ASIC2: variants seen among roughly 807,000 people sequenced by gnomAD.
The protein encoded by ASIC2 is acid sensing ion channel subunit 2.
ASIC2 carries 25 observed loss-of-function variants against 57.3 expected under a neutral mutation model. That is an observed-to-expected ratio of 0.44 (90% CI 0.32 to 0.61). ASIC2 has a LOEUF of 0.61. Among genes scored for constraint, ASIC2 ranks in the 20% least tolerant of loss-of-function variants. The pLI, the probability that ASIC2 is intolerant of heterozygous loss-of-function variation, is 0.06. For synonymous variants in ASIC2, 319 were observed against 307.5 expected, an observed-to-expected ratio of 1.04 and a Z score of -0.39; for missense variants, 641 against 738.1, an observed-to-expected ratio of 0.87 and a Z score of 1.52.
At chr17:34,145,903 G>A (rs1567837717) in intron 1 of ASIC2, among the ~76,000 whole-genome samples, 6 of 152,340 alleles carry the variant, frequency 3.9e-5, no homozygotes, top group Middle Eastern at 6.8e-3. Flanking sequence ...TTGAAGCCAG[G>A]CTGATGCACA....
At chr17:33,418,799 G>T (rs965770702) in intron 1 of ASIC2, among the ~76,000 whole-genome samples, 2 of 152,242 alleles carry the variant, frequency 1.3e-5, no homozygotes, top group South Asian at 4.2e-4. Context: ...CGTGTCCTTT[G>T]CAGGGACCCG....
intron 1 of ASIC2, among the ~76,000 whole-genome samples, chr17:33,300,930 A>G (rs542595977): frequency 6.6e-6 from 1 of 152,300 alleles, no homozygotes; most frequent in East Asian, 1.9e-4. Context: ...TGATAATGAT[A>G]TTTGATAGTT....
chr17:33,917,950 C>T (rs539539749), intron 1 of ASIC2, among the ~76,000 whole-genome samples: 1 of 147,332 alleles, frequency 6.8e-6, no homozygotes, highest in East Asian at 2.1e-4. Context: ...TCATTCCACA[C>T]ACACGTGCAT....
intron 1 of ASIC2, among the ~76,000 whole-genome samples, chr17:33,408,925 C>T (rs1386355358): frequency 1.3e-5 from 2 of 152,298 alleles, no homozygotes; most frequent in African/African-American, 4.8e-5. Flanking sequence ...CAGAATATTC[C>T]AGTCCTGGCT....
At chr17:33,970,749 C>A (rs1481119933) in intron 1 of ASIC2, among the ~76,000 whole-genome samples, 1 of 152,166 alleles carries the variant, frequency 6.6e-6, no homozygotes, top group Non-Finnish European at 1.5e-5. Context: ...ACACGCAGAG[C>A]CAGCAGGGAA....
At chr17:33,941,486 G>T (rs1597940885) in intron 1 of ASIC2, among the ~76,000 whole-genome samples, 1 of 152,200 alleles carries the variant, frequency 6.6e-6, no homozygotes, top group South Asian at 2.1e-4. Flanking sequence ...CTCATCCCAA[G>T]TGGGACCCCA....
At chr17:33,960,105 G>A (rs183486088) in intron 1 of ASIC2, among the ~76,000 whole-genome samples, 3 of 152,326 alleles carry the variant, frequency 2.0e-5, no homozygotes, top group Admixed American at 6.5e-5. Flanking sequence ...TCTGACACCA[G>A]TGGGATAAAT....
intron 1 of ASIC2, among the ~76,000 whole-genome samples, chr17:33,157,707 C>T (rs1028358737): frequency 1.3e-5 from 2 of 152,202 alleles, no homozygotes; most frequent in African/African-American, 4.8e-5. Flanking sequence ...CCATATCTCA[C>T]CTGAAATAAT....
chr17:34,037,706 A>G, intron 1 of ASIC2: 2 of 1,614,070 alleles, frequency 1.2e-6, no homozygotes, highest in Middle Eastern at 3.3e-4. Context: ...TGACTTTTGG[A>G]TGTGAGGCAA....
chr17:33,685,295 C>T (rs1908148883), intron 1 of ASIC2, among the ~76,000 whole-genome samples: 1 of 152,246 alleles, frequency 6.6e-6, no homozygotes. Context: ...CCTGCTCCCA[C>T]ACCCAGCGTG....
chr17:33,706,204 CATATAT>C (rs3030213), intron 1 of ASIC2, among the ~76,000 whole-genome samples: 21,435 of 140,640 alleles, frequency 0.15, 1,718 homozygotes, highest in African/African-American at 0.19. Flanking sequence ...ATATATGATT[CATATAT>C]ATATATATAT....
intron 2 of ASIC2, among the ~76,000 whole-genome samples, chr17:33,097,558 TG>T (rs2092187462): frequency 6.6e-6 from 1 of 152,230 alleles, no homozygotes; most frequent in Admixed American, 6.5e-5. Flanking sequence ...AAGGGCCACA[TG>T]GCACGTGGCA....
At chr17:33,301,566 G>A (rs1021319600) in intron 1 of ASIC2, among the ~76,000 whole-genome samples, 8 of 152,160 alleles carry the variant, frequency 5.3e-5, no homozygotes, top group Admixed American at 5.2e-4. Context: ...GTTAATGGAT[G>A]TTGGGCACTG....
At chr17:33,270,487 C>G (rs1345925222) in intron 1 of ASIC2, among the ~76,000 whole-genome samples, 1 of 152,182 alleles carries the variant, frequency 6.6e-6, no homozygotes, top group Non-Finnish European at 1.5e-5. Context: ...AAATTCTTCT[C>G]TGGTCTACCA....
chr17:33,624,153 A>G (rs989117065), intron 1 of ASIC2: 1 of 152,134 alleles, frequency 6.6e-6, no homozygotes, highest in Non-Finnish European at 1.5e-5. Context: ...GCATTCATCT[A>G]GAATATTTTT....
intron 1 of ASIC2, among the ~76,000 whole-genome samples, chr17:33,972,296 C>A (rs142438054): frequency 6.6e-6 from 1 of 152,024 alleles, no homozygotes; most frequent in African/African-American, 2.4e-5. Flanking sequence ...ATACATTTGA[C>A]GATTGATTTA....
chr17:33,395,983 G>A (rs1437129588), intron 1 of ASIC2, among the ~76,000 whole-genome samples: 2 of 152,198 alleles, frequency 1.3e-5, no homozygotes, highest in African/African-American at 2.4e-5. Flanking sequence ...TTATAACAAA[G>A]GCCAGAGAAG....
chr17:33,716,447 G>C (rs1909220927), intron 1 of ASIC2, among the ~76,000 whole-genome samples: 1 of 152,212 alleles, frequency 6.6e-6, no homozygotes, highest in South Asian at 2.1e-4. Context: ...CTAAGCACTT[G>C]ATCCTGCACT....
chr17:33,300,707 A>C (rs1168505788), intron 1 of ASIC2, among the ~76,000 whole-genome samples: 1 of 152,204 alleles, frequency 6.6e-6, no homozygotes, highest in Non-Finnish European at 1.5e-5. Context: ...TGGTCCAAAC[A>C]TGCCTTGGTT....
Sources: gnomAD v4.1 joint callset for allele counts (sites outside exome capture counted in the v4.1 genomes callset) on GRCh38, gnomAD v4.1.1 for gene constraint, MANE v1.5 for transcripts, NCBI Gene and HGNC (gene_info 2026-07-23, HGNC 2026-07-21) for gene names.